Variants in PHF24 observed in about 807,000 individuals in gnomAD.
PHF24 encodes the protein Galpha inhibitory interacting protein.
PHF24 carries 25 observed loss-of-function variants against 42.6 expected under a neutral mutation model. The ratio of observed to expected loss-of-function variants is 0.59; its 90% CI spans 0.43 to 0.82. The LOEUF (loss-of-function observed/expected upper bound fraction) is 0.82. PHF24 is among the 40% of genes least tolerant of loss of function. The probability of loss-of-function intolerance (pLI) is 0.00; values close to 1 mark genes in which losing one functional copy is unlikely to be tolerated. For missense variants in PHF24, 470 were observed against 538.1 expected, an observed-to-expected ratio of 0.87 and a Z score of 1.25; for synonymous variants, 185 against 204.8, an observed-to-expected ratio of 0.90 and a Z score of 0.83.
At chr9:34,713,212 T>G in the PHF24 span, among the ~76,000 whole-genome samples, 10 of 152,222 alleles carry the variant, frequency 6.6e-5, no homozygotes, top group Non-Finnish European at 7.3e-5. Context: ...GTTCTCTTCC[T>G]TCCCCGCAAA....
chr9:34,810,772 C>CT, the PHF24 span, among the ~76,000 whole-genome samples: 4 of 152,188 alleles, frequency 2.6e-5, no homozygotes, highest in Admixed American at 2.6e-4. Flanking sequence ...CTTTCCATTC[C>CT]CCTCTTTCCC....
chr9:34,890,911 C>T, the PHF24 span, among the ~76,000 whole-genome samples: 1 of 152,190 alleles, frequency 6.6e-6, no homozygotes, highest in Non-Finnish European at 1.5e-5. Flanking sequence ...TCTACACAAG[C>T]TTCATTGGTG....
chr9:34,936,117 G>A, the PHF24 span, among the ~76,000 whole-genome samples: 3 of 147,472 alleles, frequency 2.0e-5, no homozygotes, highest in East Asian at 2.0e-4. Flanking sequence ...CTCTGATGCC[G>A]AGCCGAAGCT....
the PHF24 span, chr9:34,832,538 A>T: frequency 3.3e-6 from 5 of 1,529,128 alleles, no homozygotes; most frequent in African/African-American, 5.5e-5. Context: ...TCTTGGCTGG[A>T]GCCAGGCTCT....
the PHF24 span, among the ~76,000 whole-genome samples, chr9:34,670,288 C>T: frequency 6.6e-6 from 1 of 152,192 alleles, no homozygotes; most frequent in Non-Finnish European, 1.5e-5. Context: ...GGGAACTTCT[C>T]AGACTTGTAG....
the PHF24 span, chr9:34,665,904 G>C: frequency 1.0e-5 from 6 of 577,636 alleles, no homozygotes; most frequent in Non-Finnish European, 1.8e-5. Context: ...TAGGGGGCCA[G>C]GGCGAGAGGT....
chr9:34,729,539 G>A, the PHF24 span: 183 of 1,160,920 alleles, frequency 1.6e-4, no homozygotes, highest in Middle Eastern at 3.0e-4. Context: ...CACAGAGGAC[G>A]GAACTAGGCC....
At chr9:34,912,575 C>A in the PHF24 span, among the ~76,000 whole-genome samples, 1 of 152,170 alleles carries the variant, frequency 6.6e-6, no homozygotes, top group South Asian at 2.1e-4. Context: ...AGCCCATCAC[C>A]TATGTCCCAG....
At chr9:34,723,799 G>A in the PHF24 span, 1 of 1,551,744 alleles carries the variant, frequency 6.4e-7, no homozygotes, top group Non-Finnish European at 8.7e-7. Context: ...GTTCAAGGAT[G>A]ACAGTTAGCT....
At chr9:34,716,701 A>G in the PHF24 span, among the ~76,000 whole-genome samples, 1 of 152,018 alleles carries the variant, frequency 6.6e-6, no homozygotes, top group African/African-American at 2.4e-5. Flanking sequence ...GCTATTCTCC[A>G]GCCTCAGCCT....
chr9:34,977,316 A>C (rs1587481715), intron 6 of PHF24, 73 bp downstream of exon 6: 2 of 1,493,684 alleles, frequency 1.3e-6, no homozygotes, highest in Non-Finnish European at 9.0e-7. Flanking sequence ...GCCCTTCCAT[A>C]CCTCCCTGCT....
chr9:34,977,493 G>A (rs1302672821), intron 6 of PHF24, 53 bp from the exon 7 acceptor site: 1 of 1,523,744 alleles, frequency 6.6e-7, no homozygotes, highest in Non-Finnish European at 9.0e-7. Flanking sequence ...AGTTTGGGAG[G>A]GGGCAGGCAT....
the PHF24 span, chr9:34,922,628 A>T: frequency 9.9e-7 from 1 of 1,008,330 alleles, no homozygotes. Flanking sequence ...CAAAAGGGAC[A>T]GTACATCATT....
At chr9:34,808,377 G>T in the PHF24 span, among the ~76,000 whole-genome samples, 1 of 152,152 alleles carries the variant, frequency 6.6e-6, no homozygotes, top group Non-Finnish European at 1.5e-5. Context: ...GAGGAGGATT[G>T]CTTGAGCCCA....
chr9:34,904,130 G>A, the PHF24 span, among the ~76,000 whole-genome samples: 1 of 152,166 alleles, frequency 6.6e-6, no homozygotes, highest in Non-Finnish European at 1.5e-5. Context: ...TCAGCAAACA[G>A]TGAAGGGTTT....
the PHF24 span, among the ~76,000 whole-genome samples, chr9:34,893,470 G>A: frequency 2.2e-4 from 33 of 151,940 alleles, no homozygotes; most frequent in East Asian, 5.8e-4. Flanking sequence ...GCATGGTGGC[G>A]TATGCCTGTA....
At chr9:34,808,040 A>T in the PHF24 span, among the ~76,000 whole-genome samples, 1 of 152,332 alleles carries the variant, frequency 6.6e-6, no homozygotes, top group South Asian at 2.1e-4. Flanking sequence ...TTGCAAAAAC[A>T]TATTTATCTG....
chr9:34,670,815 G>A, the PHF24 span, among the ~76,000 whole-genome samples: 3 of 152,108 alleles, frequency 2.0e-5, no homozygotes, highest in Non-Finnish European at 4.4e-5. Flanking sequence ...CCTGGGAGTA[G>A]GAGGAGTGGG....
At chr9:34,687,071 AAG>A in the PHF24 span, among the ~76,000 whole-genome samples, 1 of 151,934 alleles carries the variant, frequency 6.6e-6, no homozygotes, top group South Asian at 2.1e-4. Context: ...GGGTGGGAAA[AAG>A]AGGAAGGCAG....
Sources: gnomAD v4.1 joint callset for allele counts (sites outside exome capture counted in the v4.1 genomes callset) on GRCh38, gnomAD v4.1.1 for gene constraint, MANE v1.5 for transcripts, NCBI Gene and HGNC (gene_info 2026-07-23, HGNC 2026-07-21) for gene names.